Variants in SARNP observed in about 807,000 individuals in gnomAD.
SARNP encodes SAP domain containing ribonucleoprotein, also known as SAP domain-containing ribonucleoprotein.
A neutral mutation model predicts 38.1 loss-of-function variants in SARNP; 5 were observed. That is an observed-to-expected ratio of 0.13 (90% CI 0.07 to 0.28). SARNP has a LOEUF of 0.28. Among genes scored for constraint, SARNP ranks in the 10% least tolerant of loss-of-function variants. SARNP has a pLI of 1.00. For synonymous variants in SARNP, 84 were observed against 80.6 expected (o/e 1.04, Z -0.23); for missense variants, 180 against 243.9 (o/e 0.74, Z 1.75).
rs954541402 is a variant in SARNP at position 55,759,439 on chromosome 12, C to G, written c.591+1112G>C. ...CTTTTCTTTTTTTTTTTTTTGAGAG[C>G]AAGTCTCACTCTGTAGCCCATGTTG... On this transcript the variant is annotated intron_variant, in intron 10 of 10. Transcript: ENST00000336133. Among the ~76,000 whole-genome samples the G allele has an allele frequency of 5.1e-4, 75 of 147,428 alleles. 2 individuals are homozygous for G. The highest frequency in any genetic ancestry group is 1.6e-4 in the Non-Finnish European group (11 of 67,154).
intron 8 of SARNP, 70 bp from the exon 9 acceptor site, chr12:55,789,213 T>C: frequency 3.7e-6 from 4 of 1,074,472 alleles, no homozygotes; most frequent in South Asian, 1.4e-5. Context: ...GCAGAAACTA[T>C]AGTATGAAGC....
intron 9 of SARNP, among the ~76,000 whole-genome samples, chr12:55,783,781 G>A (rs927893637): frequency 4.6e-5 from 7 of 151,656 alleles, no homozygotes; most frequent in Non-Finnish European, 1.0e-4. Flanking sequence ...AAGAGGAGAT[G>A]AGCAGATTGT....
At chr12:55,803,849 T>C (rs1037018726) in intron 1 of SARNP, 121 bp from the exon 2 acceptor site, 3 of 629,292 alleles carry the variant, frequency 4.8e-6, no homozygotes, top group Non-Finnish European at 8.4e-6. Flanking sequence ...TTACTGCCCT[T>C]AATTCTACCA....
intron 1 of SARNP, among the ~76,000 whole-genome samples, chr12:55,809,504 T>C (rs1280508140): frequency 6.6e-6 from 1 of 151,176 alleles, no homozygotes; most frequent in Non-Finnish European, 1.5e-5. Flanking sequence ...TCTGTCATCC[T>C]AGTACTTTGG....
intron 9 of SARNP, among the ~76,000 whole-genome samples, chr12:55,787,957 GC>G (rs1310861737): frequency 6.6e-6 from 1 of 151,806 alleles, no homozygotes; most frequent in Non-Finnish European, 1.5e-5. Flanking sequence ...CACCGTGTTA[GC>G]CAGGATGGTC....
At position 55,800,810 on chromosome 12, in the gene SARNP, C is replaced by T. The variant is rs75285506; in HGVS notation, c.183+44G>A. ...TGATGTTAAAGCAATGTGGCCAAAG[C>T]AGTGGCACATTACCAGAGACTAACC... is the stretch of plus-strand genomic sequence containing the variant. On this transcript the variant is annotated intron_variant, in intron 3 of 10. Transcript: ENST00000336133. 8.6e-4 allele frequency: 1,314 copies of T among 1,521,186 alleles called. 10 individuals carry two copies. The African/African-American group carries it at 0.014, about 16-fold the overall frequency. 94.2% of individuals were successfully genotyped at this position (1,521,186 alleles called of 1,614,324 possible). A position where few individuals can be genotyped will look rare whatever the true frequency, so the allele number is the denominator to read the frequency against.
intron 9 of SARNP, chr12:55,761,715 T>G (rs1878680905): frequency 6.6e-6 from 1 of 152,238 alleles, no homozygotes; most frequent in African/African-American, 2.4e-5. Context: ...TAGCCCACTT[T>G]AACAGTTATT....
At chr12:55,810,293 A>G (rs1176788042) in intron 1 of SARNP, among the ~76,000 whole-genome samples, 2 of 151,884 alleles carry the variant, frequency 1.3e-5, no homozygotes, top group East Asian at 3.9e-4. Flanking sequence ...TTTTATTTCC[A>G]GTAGAGATGA....
chr12:55,795,920 G>A, intron 5 of SARNP, 105 bp downstream of exon 5: 1 of 823,476 alleles, frequency 1.2e-6, no homozygotes, highest in Non-Finnish European at 1.9e-6. Flanking sequence ...TGCCAATACT[G>A]ATTTTCTGCC....
intron 9 of SARNP, among the ~76,000 whole-genome samples, chr12:55,784,447 A>G (rs1186824777): frequency 2.6e-5 from 4 of 152,244 alleles, no homozygotes; most frequent in Admixed American, 2.6e-4. Flanking sequence ...ACCCAGCTGC[A>G]ATTCCAGGAT....
At chr12:55,804,445 T>C (rs760073770) in intron 1 of SARNP, among the ~76,000 whole-genome samples, 1 of 150,112 alleles carries the variant, frequency 6.7e-6, no homozygotes, top group Non-Finnish European at 1.5e-5. Flanking sequence ...TCTTCAGGAC[T>C]AATAATAAGC....
At chr12:55,800,359 T>C (rs1024545163) in intron 4 of SARNP, among the ~76,000 whole-genome samples, 3 of 152,340 alleles carry the variant, frequency 2.0e-5, no homozygotes, top group East Asian at 1.9e-4. Flanking sequence ...CCTCATTACC[T>C]ATTACATAAC....
intron 9 of SARNP, among the ~76,000 whole-genome samples, chr12:55,770,395 T>G (rs1472729392): frequency 2.3e-5 from 3 of 129,242 alleles, no homozygotes; most frequent in Admixed American, 7.6e-5. Flanking sequence ...CCCAGCTAGG[T>G]TTTTTTTTTT....
At position 55,757,281 on chromosome 12, in the gene SARNP, A is replaced by G. The variant is rs1555170988; in HGVS notation, c.*231T>C. 6 of 380,124 alleles carry G rather than the reference A, an allele frequency of 1.6e-5. No individual in the cohort carries two copies. The highest frequency in any genetic ancestry group is 2.1e-5 in the African/African-American group (1 of 47,748). 23.5% of individuals were successfully genotyped at this position (380,124 alleles called of 1,614,324 possible). A position where few individuals can be genotyped will look rare whatever the true frequency, so the allele number is the denominator to read the frequency against. On this transcript the variant is annotated 3_prime_UTR_variant, in exon 11 of 11. Transcript: ENST00000336133. ...AATAAAACACATTGTTCTCTTTTCT[A>G]TTTTTTTTTATTAACAAGCAACATA...
chr12:55,775,241 T>TAAAAAAAAAAA (rs375018386), intron 9 of SARNP, among the ~76,000 whole-genome samples: 2 of 118,584 alleles, frequency 1.7e-5, no homozygotes, highest in African/African-American at 6.0e-5. Context: ...AGGTTAAAAT[T>TAAAAAAAAAAA]AAAAAAAAAA....
chr12:55,778,388 C>G (rs1879246644), intron 9 of SARNP, among the ~76,000 whole-genome samples: 1 of 152,170 alleles, frequency 6.6e-6, no homozygotes, highest in Non-Finnish European at 1.5e-5. Flanking sequence ...CTGAGGTGAT[C>G]TGCCTGCCTC....
chr12:55,812,767 C>A (rs1880365601), intron 1 of SARNP, among the ~76,000 whole-genome samples: 1 of 152,228 alleles, frequency 6.6e-6, no homozygotes, highest in African/African-American at 2.4e-5. Flanking sequence ...CAAATTCATT[C>A]CCATTCTTTT....
At chr12:55,769,708 T>C (rs1000774332) in intron 9 of SARNP, among the ~76,000 whole-genome samples, 2 of 152,266 alleles carry the variant, frequency 1.3e-5, no homozygotes, top group African/African-American at 4.8e-5. Flanking sequence ...CGATGCATGC[T>C]CAGTAGAAAC....
intron 9 of SARNP, among the ~76,000 whole-genome samples, chr12:55,763,324 T>TTTC (rs1555171305): frequency 6.7e-6 from 1 of 148,518 alleles, no homozygotes; most frequent in Non-Finnish European, 1.5e-5. Flanking sequence ...TTTTTTTTTT[T>TTTC]CCCCAGAGAC....
Sources: allele counts gnomAD v4.1 joint callset (sites outside exome capture counted in the v4.1 genomes callset), GRCh38; gene constraint gnomAD v4.1.1; transcripts MANE v1.5; gene names NCBI Gene and HGNC (gene_info 2026-07-23, HGNC 2026-07-21).